Variants in KIRREL3 observed in about 807,000 individuals in gnomAD.
The protein encoded by KIRREL3 is kirre like nephrin family adhesion molecule 3.
Under a neutral mutation model 89.7 loss-of-function variants are expected in KIRREL3, and 36 were observed. That is an observed-to-expected ratio of 0.40 (90% CI 0.31 to 0.53). The LOEUF (loss-of-function observed/expected upper bound fraction) is 0.53, where lower values mean the gene tolerates loss of function less well. KIRREL3 is among the 20% of genes least tolerant of loss of function. The pLI, the probability that KIRREL3 is intolerant of heterozygous loss-of-function variation, is 0.49. For synonymous variants in KIRREL3, 445 were observed against 441.4 expected (o/e 1.01, Z -0.10); for missense variants, 864 against 1,056.6 (o/e 0.82, Z 2.53).
Position 126,990,049 on chromosome 11 carries a change from T to A in KIRREL3, c.55+10406A>T, listed in dbSNP as rs1483229572. On this transcript the variant is annotated intron_variant, in intron 1 of 16. Transcript: ENST00000525144. This position sits in a 1 kb window ranked among gnomAD's most constrained non-coding sequence, Gnocchi z 6.3. ...CCTGACCCTGGAAGGGTGGAATCAC[T>A]CCTTGTGGAAGGGAAAACGCCTGGA... Among the ~76,000 whole-genome samples the A allele has an allele frequency of 6.6e-6, 1 of 152,126 alleles. No homozygotes were observed. Among genetic ancestry groups the A allele is most frequent in the Non-Finnish European group, 1.5e-5 (1 of 68,016 alleles).
At chr11:126,767,438 C>A (rs1444799518) in intron 1 of KIRREL3, among the ~76,000 whole-genome samples, 1 of 152,190 alleles carries the variant, frequency 6.6e-6, no homozygotes, top group East Asian at 1.9e-4. Flanking sequence ...ACTCCTAAAG[C>A]TGGGAATGTA....
intron 1 of KIRREL3, among the ~76,000 whole-genome samples, chr11:126,663,671 G>A (rs1945525405): frequency 6.6e-6 from 1 of 152,200 alleles, no homozygotes; most frequent in Non-Finnish European, 1.5e-5. Context: ...CACATGACAT[G>A]TCAGGGGAGT....
At chr11:126,488,011 C>T (rs892784026) in intron 4 of KIRREL3, among the ~76,000 whole-genome samples, 1 of 152,262 alleles carries the variant, frequency 6.6e-6, no homozygotes, top group Non-Finnish European at 1.5e-5. Context: ...TGTCTTCTTT[C>T]GCTCCATCAC....
rs1479179203 is a variant in KIRREL3, at chr11:126,949,226, C to T, written c.55+51229G>A. 2.0e-5 allele frequency among the ~76,000 whole-genome samples: 3 copies of T among 152,152 alleles called. No individual in the cohort carries two copies. The East Asian group carries it at 5.8e-4, about 29-fold the overall frequency. On this transcript the variant is annotated intron_variant, in intron 1 of 16. Coordinates refer to ENST00000525144, the MANE Select transcript of KIRREL3 (RefSeq NM_032531.4). ...TCACACTCTTACTAGAAGTGCTGTACAGAAGCAGCGCATGAGATCATTGTG... is the reference window on the plus strand; with the variant it reads ...TCACACTCTTACTAGAAGTGCTGTATAGAAGCAGCGCATGAGATCATTGTG...
intron 1 of KIRREL3, among the ~76,000 whole-genome samples, chr11:126,941,380 T>C (rs1948440047): frequency 6.6e-6 from 1 of 152,364 alleles, no homozygotes; most frequent in East Asian, 1.9e-4. Context: ...GCAAGTCTGC[T>C]AATAATCAGA....
intron 4 of KIRREL3, among the ~76,000 whole-genome samples, chr11:126,510,140 G>C (rs902939141): frequency 6.6e-6 from 1 of 152,092 alleles, no homozygotes; most frequent in Non-Finnish European, 1.5e-5. Flanking sequence ...AACTGCTCTG[G>C]GGACAGCTGG....
In KIRREL3 at chr11:126,923,129, C is replaced by CTCCTCCTTCTTCT. The variant is rs1246765425; in HGVS notation, c.55+77325_55+77326insAGAAGAAGGAGGA. On this transcript the variant is annotated intron_variant, in intron 1 of 16. Transcript: ENST00000525144. ...CCTTCTCCTTCTCCTTCTCCTTCTT[C>CTCCTCCTTCTTCT]TCTTCTTCTTCTTCTTCTTCTTCTT... Among the ~76,000 whole-genome samples, 21 of 25,740 alleles carry CTCCTCCTTCTTCT rather than the reference C, an allele frequency of 8.2e-4. 3 individuals carry two copies. Among genetic ancestry groups the CTCCTCCTTCTTCT allele is most frequent in the African/African-American group, 2.5e-3 (13 of 5,160 alleles). 16.9% of individuals were successfully genotyped at this position (25,740 alleles called of 152,430 possible).
rs1030518093 is a variant in KIRREL3 at position 126,689,017 on chromosome 11, A to ATGTG, written c.56-126109_56-126106dup. Among the ~76,000 whole-genome samples the ATGTG allele has an allele frequency of 6.8e-6, 1 of 147,114 alleles. No homozygotes were observed. Among genetic ancestry groups the ATGTG allele is most frequent in the East Asian group, 2.1e-4 (1 of 4,716 alleles). On this transcript the variant is annotated intron_variant, in intron 1 of 16. Transcript: ENST00000525144. The surrounding 1 kb of genome is among the most constrained non-coding windows in gnomAD (Gnocchi z 5.2). ...GACCATAGAGCAGCTATGTAGAACT[A>ATGTG]TGTGTGTGTGTGTAAGGGGGAGAGA...
rs1431320438 is a variant in KIRREL3, at chr11:126,768,381, G to A, written c.56-205469C>T. Among the ~76,000 whole-genome samples, 2 of 152,192 alleles carry A rather than the reference G, an allele frequency of 1.3e-5. No homozygotes were observed. Among genetic ancestry groups the A allele is most frequent in the Non-Finnish European group, 2.9e-5 (2 of 68,038 alleles). On this transcript the variant is annotated intron_variant, in intron 1 of 16. Transcript: ENST00000525144. The surrounding 1 kb of genome is among the most constrained non-coding windows in gnomAD (Gnocchi z 4.5). ...AATACTGAGTGCTCATTGTATGCAG[G>A]CACTGCATGTCCCAGGTCTGGAAAT...
chr11:126,542,075 T>C (rs535958327), intron 2 of KIRREL3, among the ~76,000 whole-genome samples: 1 of 152,338 alleles, frequency 6.6e-6, no homozygotes, highest in South Asian at 2.1e-4. Flanking sequence ...GCAGTTTTGA[T>C]GCTCTTCAGG....
rs1957466636 is a variant in KIRREL3, at chr11:126,490,000, G to C, written c.434-16534C>G. 1.3e-5 allele frequency among the ~76,000 whole-genome samples: 2 copies of C among 152,130 alleles called. No individual in the cohort carries two copies. Among genetic ancestry groups the C allele is most frequent in the Admixed American group, 6.6e-5 (1 of 15,264 alleles). On this transcript the variant is annotated intron_variant, in intron 4 of 16. Coordinates refer to ENST00000525144, the MANE Select transcript of KIRREL3 (RefSeq NM_032531.4). This position sits in a 1 kb window ranked among gnomAD's most constrained non-coding sequence, Gnocchi z 5.5. ...TACGTTGGGGAAAATGAGACGTGTTGCTTGGAAGCAGCCCATGAGCTGCTT... is the reference window on the plus strand; with the variant it reads ...TACGTTGGGGAAAATGAGACGTGTTCCTTGGAAGCAGCCCATGAGCTGCTT...
At chr11:126,690,544 T>C (rs1946840417) in intron 1 of KIRREL3, among the ~76,000 whole-genome samples, 1 of 152,108 alleles carries the variant, frequency 6.6e-6, no homozygotes, top group African/African-American at 2.4e-5. Context: ...TTGTGCCTTA[T>C]GTTTTGGGGT....
In KIRREL3 at chr11:126,643,666, C is replaced by T. The variant is rs1273572355; in HGVS notation, c.56-80754G>A. 6.6e-6 allele frequency among the ~76,000 whole-genome samples: 1 copy of T among 152,136 alleles called. No homozygotes were observed. The highest frequency in any genetic ancestry group is 1.5e-5 in the Non-Finnish European group (1 of 68,026). On this transcript the variant is annotated intron_variant, in intron 1 of 16. Transcript: ENST00000525144. This position sits in a 1 kb window ranked among gnomAD's most constrained non-coding sequence, Gnocchi z 4.5. The stretch of plus-strand genomic sequence containing the variant: ...TGGTTTAGGAAGATCAATGTGGCAA[C>T]ACAATGAGTAGGATTGTACTGAAGA...
rs1253754588 is a variant in KIRREL3, at chr11:126,435,260, T to C, written c.1588+8A>G. 6.2e-7 allele frequency: 1 copy of C among 1,613,588 alleles called. No individual in the cohort carries two copies. The highest frequency in any genetic ancestry group is 2.2e-5 in the East Asian group (1 of 44,844). On this transcript the variant is annotated splice_region_variant and intron_variant, in intron 13 of 16. Transcript: ENST00000525144. Reference sequence around the variant, plus strand: ...TCCCAGGGCCATTCTCATCATCTCCTTCCGTACCTGCTTCCAGCCCGGCTC... The same window carrying C: ...TCCCAGGGCCATTCTCATCATCTCCCTCCGTACCTGCTTCCAGCCCGGCTC...
At chr11:126,938,201 A>C (rs1948288859) in intron 1 of KIRREL3, among the ~76,000 whole-genome samples, 1 of 152,248 alleles carries the variant, frequency 6.6e-6, no homozygotes, top group Non-Finnish European at 1.5e-5. Flanking sequence ...AAGTCTTTGA[A>C]AAACTCTGCA....
chr11:126,657,520 C>A (rs1291714686), intron 1 of KIRREL3, among the ~76,000 whole-genome samples: 1 of 152,184 alleles, frequency 6.6e-6, no homozygotes, highest in African/African-American at 2.4e-5. Flanking sequence ...GTGGGACAAG[C>A]TGTTTAGCAA....
chr11:126,922,004 TATC>T (rs749652536), intron 1 of KIRREL3, among the ~76,000 whole-genome samples: 18 of 139,482 alleles, frequency 1.3e-4, no homozygotes, highest in Admixed American at 4.2e-4. Context: ...TCTATCTATC[TATC>T]ATCTATCTTC....
intron 1 of KIRREL3, among the ~76,000 whole-genome samples, chr11:126,801,724 C>T (rs1034469842): frequency 1.3e-5 from 2 of 152,176 alleles, no homozygotes; most frequent in Non-Finnish European, 1.5e-5. Flanking sequence ...GCAGACACAC[C>T]AGTGGACAGC....
Position 126,429,465 on chromosome 11 carries a change from G to A in KIRREL3, c.1697-177C>T, listed in dbSNP as rs1198996611. On this transcript the variant is annotated intron_variant, in intron 14 of 16. Coordinates refer to ENST00000525144, the MANE Select transcript of KIRREL3 (RefSeq NM_032531.4). The surrounding 1 kb of genome is among the most constrained non-coding windows in gnomAD (Gnocchi z 5.2). ...GAACCTCCATATGGAGATGCTGTGG[G>A]TGTTTGGGCCTCAGAGGAGGCTGAC... 1.3e-5 allele frequency among the ~76,000 whole-genome samples: 2 copies of A among 152,192 alleles called. No individual in the cohort carries two copies. Among genetic ancestry groups the A allele is most frequent in the African/African-American group, 2.4e-5 (1 of 41,444 alleles).
Sources: allele counts gnomAD v4.1 joint callset (sites outside exome capture counted in the v4.1 genomes callset), GRCh38; gene constraint gnomAD v4.1.1; non-coding constraint Gnocchi (gnomAD v3.1); transcripts MANE v1.5; gene names NCBI Gene and HGNC (gene_info 2026-07-23, HGNC 2026-07-21).